The following TBC1D1 variants were observed in gnomAD, a reference collection of about 807,000 sequenced individuals.
TBC1D1 encodes TBC1 (tre-2/USP6, BUB2, cdc16) domain family, member 1.
A neutral mutation model predicts 125.6 loss-of-function variants in TBC1D1; 89 were observed. That is an observed-to-expected ratio of 0.71 (90% CI 0.60 to 0.85). The LOEUF (loss-of-function observed/expected upper bound fraction) is 0.85, where lower values mean the gene tolerates loss of function less well. TBC1D1 is among the 40% of genes least tolerant of loss of function. TBC1D1 has a pLI of 0.00. For missense variants in TBC1D1, 1,377 were observed against 1,469.2 expected (o/e 0.94, Z 1.03); for synonymous variants, 565 against 564.1 (o/e 1.00, Z -0.02).
chr4:37,992,978 A>G (rs1302442624), intron 2 of TBC1D1, among the ~76,000 whole-genome samples: 1 of 150,650 alleles, frequency 6.6e-6, no homozygotes, highest in East Asian at 2.0e-4. Context: ...CTAATTTTGT[A>G]TTTTTAGTAG....
At chr4:38,053,162 A>G in intron 11 of TBC1D1, 1 of 1,536,870 alleles carries the variant, frequency 6.5e-7, no homozygotes, top group Non-Finnish European at 8.8e-7. Flanking sequence ...TCTGTGCCAA[A>G]TTTTCTAAAA....
At chr4:37,935,429 A>T (rs749484117) in intron 2 of TBC1D1, among the ~76,000 whole-genome samples, 1 of 152,184 alleles carries the variant, frequency 6.6e-6, no homozygotes, top group Non-Finnish European at 1.5e-5. Flanking sequence ...GACACCTGGG[A>T]GTCGTCTTTG....
chr4:37,912,977 G>A (rs780967685), intron 2 of TBC1D1, among the ~76,000 whole-genome samples: 8 of 152,214 alleles, frequency 5.3e-5, no homozygotes, highest in Non-Finnish European at 8.8e-5. Context: ...AATTTGGAGT[G>A]AAGGATGGAA....
chr4:37,918,076 T>C (rs1288324683), intron 2 of TBC1D1, among the ~76,000 whole-genome samples: 2 of 152,236 alleles, frequency 1.3e-5, no homozygotes, highest in Non-Finnish European at 2.9e-5. Context: ...TTAGAGGGAT[T>C]CACAGCTTAA....
intron 2 of TBC1D1, among the ~76,000 whole-genome samples, chr4:37,982,549 G>A (rs1344296323): frequency 6.6e-6 from 1 of 152,136 alleles, no homozygotes; most frequent in Non-Finnish European, 1.5e-5. Flanking sequence ...TTTTTATCTG[G>A]TAGTGGTGGC....
chr4:38,091,627 T>C (rs1758442388), intron 13 of TBC1D1, among the ~76,000 whole-genome samples: 1 of 152,250 alleles, frequency 6.6e-6, no homozygotes, highest in East Asian at 1.9e-4. Context: ...GACAGCCATG[T>C]AAAATCAGGG....
At chr4:37,909,531 T>G (rs1718092238) in intron 2 of TBC1D1, among the ~76,000 whole-genome samples, 1 of 152,206 alleles carries the variant, frequency 6.6e-6, no homozygotes, top group African/African-American at 2.4e-5. Flanking sequence ...GCCGGCTCAT[T>G]ACTTTCTTTC....
chr4:37,934,781 C>T (rs1724038517), intron 2 of TBC1D1, among the ~76,000 whole-genome samples: 1 of 152,170 alleles, frequency 6.6e-6, no homozygotes, highest in African/African-American at 2.4e-5. Context: ...TTCTTCCCAC[C>T]TGTATCAGTC....
At chr4:38,006,740 A>G (rs1740345149) in intron 2 of TBC1D1, 1 of 393,252 alleles carries the variant, frequency 2.5e-6, no homozygotes, top group East Asian at 7.4e-5. Context: ...TGGCCTCCCA[A>G]AGTGCTGGGA....
intron 2 of TBC1D1, chr4:38,006,778 C>T (rs2152415893): frequency 2.1e-6 from 1 of 486,724 alleles, no homozygotes; most frequent in East Asian, 5.9e-5. Flanking sequence ...TGCGCCTGGC[C>T]CAACACTATT....
Position 38,018,271 on chromosome 4 carries a change from A to C in TBC1D1, c.883-83A>C. 3 of 1,008,758 alleles carry C rather than the reference A, an allele frequency of 3.0e-6. No individual in the cohort carries two copies. The South Asian group carries it at 4.2e-5, about 14-fold the overall frequency. The allele number at this position is 1,008,758 out of a possible 1,614,324, so 62.5% of individuals were successfully genotyped here. ...GATGATAGAGTCAGAATTTTATAGGAGCTTGTCCCTTTTATTCTTTATTTT... is the reference window on the plus strand; with the variant it reads ...GATGATAGAGTCAGAATTTTATAGGCGCTTGTCCCTTTTATTCTTTATTTT... On this transcript the variant is annotated intron_variant, in intron 3 of 19. Transcript: ENST00000261439.
At chr4:38,016,850 T>C (rs1221555646) in intron 3 of TBC1D1, among the ~76,000 whole-genome samples, 2 of 152,226 alleles carry the variant, frequency 1.3e-5, no homozygotes, top group African/African-American at 4.8e-5. Flanking sequence ...GAGTGGGCAG[T>C]CACTGCATGC....
chr4:38,002,177 A>G (rs1739208393), intron 2 of TBC1D1, among the ~76,000 whole-genome samples: 1 of 152,216 alleles, frequency 6.6e-6, no homozygotes, highest in Non-Finnish European at 1.5e-5. Context: ...AGTCAGCAGC[A>G]CACAATTTAA....
At chr4:38,132,280 C>G (rs1765711591) in intron 18 of TBC1D1, among the ~76,000 whole-genome samples, 1 of 152,036 alleles carries the variant, frequency 6.6e-6, no homozygotes, top group South Asian at 2.1e-4. Flanking sequence ...CTGAGAGGCC[C>G]CAGCCCCTGG....
intron 2 of TBC1D1, among the ~76,000 whole-genome samples, chr4:37,970,482 G>A (rs1279963906): frequency 1.3e-5 from 2 of 152,122 alleles, no homozygotes. Flanking sequence ...CCTTCTTCCT[G>A]GAAAGCCCAT....
chr4:38,086,160 T>TA (rs71190949), intron 12 of TBC1D1, among the ~76,000 whole-genome samples: 19,690 of 152,078 alleles, frequency 0.13, 1,761 homozygotes, highest in East Asian at 0.42. Context: ...TCGTAAACTA[T>TA]AAAAAAATCA....
At chr4:38,046,641 T>C (rs1749541990) in intron 10 of TBC1D1, among the ~76,000 whole-genome samples, 1 of 152,138 alleles carries the variant, frequency 6.6e-6, no homozygotes, top group Non-Finnish European at 1.5e-5. Flanking sequence ...CCTTTCATTC[T>C]CCCCCACTTG....
intron 2 of TBC1D1, among the ~76,000 whole-genome samples, chr4:37,918,771 C>T (rs1349195097): frequency 6.6e-6 from 1 of 152,114 alleles, no homozygotes; most frequent in Non-Finnish European, 1.5e-5. Context: ...GTAAGCCTAG[C>T]CGTACAATTT....
chr4:38,094,926 T>A (rs1394042165), intron 13 of TBC1D1, among the ~76,000 whole-genome samples: 10 of 151,844 alleles, frequency 6.6e-5, no homozygotes, highest in Non-Finnish European at 1.3e-4. Context: ...TTTTTAAAAA[T>A]TTTTTTAAAA....
Sources: allele counts gnomAD v4.1 joint callset (sites outside exome capture counted in the v4.1 genomes callset), GRCh38; gene constraint gnomAD v4.1.1; transcripts MANE v1.5; gene names NCBI Gene and HGNC (gene_info 2026-07-23, HGNC 2026-07-21).